Variants in KLHL1 observed in about 807,000 individuals in gnomAD.
KLHL1 encodes kelch like family member 1, also known as kelch-like protein 1.
KLHL1 carries 47 observed loss-of-function variants against 77.7 expected under a neutral mutation model. The observed-to-expected ratio is 0.60, with a 90% CI of 0.48 to 0.77. The LOEUF (loss-of-function observed/expected upper bound fraction) is 0.77, where lower values mean the gene tolerates loss of function less well. KLHL1 is among the 30% of genes least tolerant of loss of function. The pLI is 0.00. For missense variants in KLHL1, 925 were observed against 910.8 expected (o/e 1.02, Z -0.20); for synonymous variants, 360 against 325.2 (o/e 1.11, Z -1.15).
intron 1 of KLHL1, among the ~76,000 whole-genome samples, chr13:70,047,709 A>T (rs78639582): frequency 0.047 from 7,161 of 151,998 alleles, 282 homozygotes; most frequent in African/African-American, 0.1. Flanking sequence ...GAATTTTTTT[A>T]AAAAAAACAC....
At chr13:69,892,502 G>T (rs1254000787) in intron 4 of KLHL1, among the ~76,000 whole-genome samples, 1 of 152,106 alleles carries the variant, frequency 6.6e-6, no homozygotes, top group African/African-American at 2.4e-5. Flanking sequence ...AAAAGTGGCT[G>T]GAAGAATCTA....
chr13:69,842,573 T>TA (rs1879310141), intron 5 of KLHL1, among the ~76,000 whole-genome samples: 2 of 151,792 alleles, frequency 1.3e-5, no homozygotes, highest in Non-Finnish European at 2.9e-5. Flanking sequence ...AAATGAAACT[T>TA]ACATAGTGTT....
intron 4 of KLHL1, among the ~76,000 whole-genome samples, chr13:69,923,215 T>C (rs1223388415): frequency 1.3e-5 from 2 of 152,140 alleles, no homozygotes; most frequent in Non-Finnish European, 2.9e-5. Flanking sequence ...AACCCTCAAA[T>C]AGATATAGTT....
At chr13:69,934,962 G>GTATATATATACATATATA (rs1883123290) in intron 4 of KLHL1, among the ~76,000 whole-genome samples, 1 of 129,818 alleles carries the variant, frequency 7.7e-6, no homozygotes, top group African/African-American at 3.1e-5. Flanking sequence ...GTGTGCATGT[G>GTATATATATACATATATA]TATATATATA....
intron 7 of KLHL1, among the ~76,000 whole-genome samples, chr13:69,766,759 G>C (rs1338031398): frequency 6.6e-6 from 1 of 152,050 alleles, no homozygotes. Context: ...TTTTTGGGTT[G>C]TCATAGTGCA....
chr13:69,805,641 A>G (rs1177607807), intron 6 of KLHL1, among the ~76,000 whole-genome samples: 1 of 151,656 alleles, frequency 6.6e-6, no homozygotes, highest in East Asian at 1.9e-4. Flanking sequence ...AGAGCAAACA[A>G]TCTAAAAATA....
At chr13:69,721,761 A>C (rs1204102641) in intron 8 of KLHL1, among the ~76,000 whole-genome samples, 1 of 152,082 alleles carries the variant, frequency 6.6e-6, no homozygotes, top group East Asian at 1.9e-4. Context: ...AATATATCTG[A>C]TTGCCCAAGT....
At chr13:69,856,493 G>A (rs918763440) in intron 5 of KLHL1, among the ~76,000 whole-genome samples, 3 of 151,988 alleles carry the variant, frequency 2.0e-5, no homozygotes, top group African/African-American at 7.2e-5. Context: ...TTAATTGTTA[G>A]CTTGCAAGCA....
At chr13:70,098,267 T>C (rs1401247877) in intron 1 of KLHL1, among the ~76,000 whole-genome samples, 3 of 151,898 alleles carry the variant, frequency 2.0e-5, no homozygotes, top group African/African-American at 7.2e-5. Context: ...CATGTAGACA[T>C]AAACTTAGAG....
At chr13:70,024,620 T>TTCTCTCTCTCTCTCTCTCTCTCTCTCTC (rs5804459) in intron 1 of KLHL1, among the ~76,000 whole-genome samples, 18 of 130,284 alleles carry the variant, frequency 1.4e-4, no homozygotes, top group African/African-American at 3.2e-4. Context: ...GAGAAAAGAT[T>TTCTCTCTCTCTCTCTCTCTCTCTCTCTC]TCTCTCTCTC....
intron 4 of KLHL1, among the ~76,000 whole-genome samples, chr13:69,914,590 T>C (rs1392991796): frequency 6.6e-6 from 1 of 152,200 alleles, no homozygotes; most frequent in Non-Finnish European, 1.5e-5. Context: ...GCACTAAAAA[T>C]GTTATTTTGC....
chr13:69,725,768 A>T (rs1873270085), intron 8 of KLHL1, among the ~76,000 whole-genome samples: 1 of 152,128 alleles, frequency 6.6e-6, no homozygotes, highest in African/African-American at 2.4e-5. Context: ...CTGTCCTGTA[A>T]GGCATATTAA....
chr13:69,998,267 A>G lies in KLHL1; in HGVS notation c.498-22465T>C, dbSNP rs149721597. Among the ~76,000 whole-genome samples the G allele has an allele frequency of 1.7e-3, 258 of 152,170 alleles. 1 individual carries two copies. Among genetic ancestry groups the G allele is most frequent in the Non-Finnish European group, 3.1e-3 (212 of 67,998 alleles). ...GGCATTAGGAGGCAGAAGATCAAAT[A>G]GTAGTAGAAATATTAATGACTGATA... On this transcript the variant is annotated intron_variant, in intron 1 of 10. Transcript: ENST00000377844.
intron 1 of KLHL1, among the ~76,000 whole-genome samples, chr13:69,998,604 G>C (rs1885213772): frequency 6.6e-6 from 1 of 151,978 alleles, no homozygotes; most frequent in Non-Finnish European, 1.5e-5. Flanking sequence ...TATTTCTCCT[G>C]TTTCATCACT....
chr13:69,881,579 T>C (rs1880990814), intron 5 of KLHL1, among the ~76,000 whole-genome samples: 1 of 152,148 alleles, frequency 6.6e-6, no homozygotes, highest in Non-Finnish European at 1.5e-5. Context: ...ACATAGAGAA[T>C]TTTGTAGCAA....
In KLHL1 at chr13:70,013,498, T is replaced by C. The variant is rs544409335; in HGVS notation, c.498-37696A>G. Among the ~76,000 whole-genome samples, 221 of 152,350 alleles carry C rather than the reference T, an allele frequency of 1.5e-3. 1 individual carries two copies. Among genetic ancestry groups the C allele is most frequent in the African/African-American group, 5.1e-3 (211 of 41,584 alleles). ...TGATAGTGTAACAGTAGGTTGTTTC[T>C]AGCTTAATTGCATCAGGGTAGAAAA... On this transcript the variant is annotated intron_variant, in intron 1 of 10. Coordinates refer to ENST00000377844, the MANE Select transcript of KLHL1 (RefSeq NM_020866.3).
chr13:69,895,677 G>T (rs149319587), intron 4 of KLHL1, among the ~76,000 whole-genome samples: 1 of 150,404 alleles, frequency 6.6e-6, no homozygotes, highest in Non-Finnish European at 1.5e-5. Flanking sequence ...CTTAATTTTT[G>T]GAATATTTGG....
At chr13:69,716,451 T>G (rs989332648) in intron 9 of KLHL1, among the ~76,000 whole-genome samples, 1 of 152,150 alleles carries the variant, frequency 6.6e-6, no homozygotes, top group Admixed American at 6.6e-5. Flanking sequence ...ATGTTAATAA[T>G]TGGTACAGAG....
intron 5 of KLHL1, among the ~76,000 whole-genome samples, chr13:69,864,116 T>C (rs1880276806): frequency 6.6e-6 from 1 of 152,014 alleles, no homozygotes; most frequent in African/African-American, 2.4e-5. Flanking sequence ...AATATCATTT[T>C]TATAGCATCT....
Sources: gnomAD v4.1 joint callset for allele counts (sites outside exome capture counted in the v4.1 genomes callset) on GRCh38, gnomAD v4.1.1 for gene constraint, MANE v1.5 for transcripts, NCBI Gene and HGNC (gene_info 2026-07-23, HGNC 2026-07-21) for gene names.